The following TMEM60 variants were observed in gnomAD, a reference collection of about 807,000 sequenced individuals.
The protein encoded by TMEM60 is chromosome 7 open reading frame 35.
TMEM60 carries 4 observed loss-of-function variants against 10.7 expected under a neutral mutation model. That is an observed-to-expected ratio of 0.37 (90% confidence interval 0.18 to 0.86). The LOEUF (loss-of-function observed/expected upper bound fraction) is 0.86. Ranked by LOEUF, TMEM60 falls within the 40% of genes least tolerant of loss-of-function variation. The pLI is 0.43. For missense variants in TMEM60, 128 were observed against 153.4 expected (o/e 0.83, Z 0.88); for synonymous variants, 56 against 58.1 (o/e 0.96, Z 0.17).
intron 1 of TMEM60, among the ~76,000 whole-genome samples, chr7:77,795,625 CAT>C (rs149092733): frequency 0.022 from 3,357 of 152,294 alleles, 50 homozygotes; most frequent in Middle Eastern, 0.071. Flanking sequence ...CTTATTTTCT[CAT>C]AAAAATTCTT....
chr7:77,797,159 C>G (rs1029838561), intron 1 of TMEM60, among the ~76,000 whole-genome samples: 1 of 152,088 alleles, frequency 6.6e-6, no homozygotes, highest in Admixed American at 6.5e-5. Flanking sequence ...GATTTCATCC[C>G]GTAAATTGCA....
chr7:77,797,037 C>G (rs1792185314), intron 1 of TMEM60, among the ~76,000 whole-genome samples: 1 of 152,136 alleles, frequency 6.6e-6, no homozygotes, highest in Non-Finnish European at 1.5e-5. Flanking sequence ...TCTAAGGAGG[C>G]ATTTTTCTGT....
At chr7:77,796,484 G>T (rs546816293) in intron 1 of TMEM60, among the ~76,000 whole-genome samples, 1 of 152,124 alleles carries the variant, frequency 6.6e-6, no homozygotes. Flanking sequence ...ATGCAGCTGG[G>T]TAAGGAGTTA....
chr7:77,798,064 G>A (rs1792228197), intron 1 of TMEM60, among the ~76,000 whole-genome samples, 190 bp downstream of exon 1: 1 of 152,214 alleles, frequency 6.6e-6, no homozygotes, highest in Non-Finnish European at 1.5e-5. Context: ...TTCATGGGCT[G>A]TAAGCCCAGC....
chr7:77,796,789 A>G (rs1792174166), intron 1 of TMEM60, among the ~76,000 whole-genome samples: 1 of 152,238 alleles, frequency 6.6e-6, no homozygotes, highest in Non-Finnish European at 1.5e-5. Flanking sequence ...TGGCTAATTG[A>G]GCCAAATACC....
At chr7:77,796,280 T>C (rs1185071572) in intron 1 of TMEM60, among the ~76,000 whole-genome samples, 2 of 152,228 alleles carry the variant, frequency 1.3e-5, no homozygotes, top group Non-Finnish European at 2.9e-5. Flanking sequence ...AGTTTTTCAA[T>C]GCTAAATTTG....
chr7:77,797,507 C>G (rs543048270), intron 1 of TMEM60, among the ~76,000 whole-genome samples: 1 of 152,276 alleles, frequency 6.6e-6, no homozygotes, highest in Admixed American at 6.5e-5. Flanking sequence ...CGATGACATA[C>G]GATCCCAGTT....
intron 1 of TMEM60, among the ~76,000 whole-genome samples, chr7:77,797,701 C>A (rs954873181): frequency 6.6e-6 from 1 of 152,186 alleles, no homozygotes; most frequent in African/African-American, 2.4e-5. Flanking sequence ...ATTTTTAAAA[C>A]CTTCGGAGTT....
chr7:77,796,236 C>T (rs551164186), intron 1 of TMEM60, among the ~76,000 whole-genome samples: 1 of 152,164 alleles, frequency 6.6e-6, no homozygotes, highest in African/African-American at 2.4e-5. Context: ...CCACGCCGGC[C>T]TCTTTTCTAG....
chr7:77,795,172 C>T (rs1214307492), intron 1 of TMEM60, among the ~76,000 whole-genome samples: 2 of 151,776 alleles, frequency 1.3e-5, no homozygotes, highest in Non-Finnish European at 2.9e-5. Context: ...TCAGTCAATC[C>T]ATCAATAAAA....
At chr7:77,795,105 C>T (rs1170037653) in intron 1 of TMEM60, among the ~76,000 whole-genome samples, 1 of 152,088 alleles carries the variant, frequency 6.6e-6, no homozygotes, top group East Asian at 1.9e-4. Flanking sequence ...AGTGAGTGCC[C>T]CGTGAGATCA....
intron 1 of TMEM60, among the ~76,000 whole-genome samples, chr7:77,797,779 C>T (rs1792216941): frequency 6.6e-6 from 1 of 152,216 alleles, no homozygotes; most frequent in Non-Finnish European, 1.5e-5. Context: ...CCCCATTTCC[C>T]TTCTCTCGCC....
intron 1 of TMEM60, among the ~76,000 whole-genome samples, chr7:77,795,693 T>C (rs898027153): frequency 6.6e-5 from 10 of 152,196 alleles, no homozygotes; most frequent in Non-Finnish European, 1.3e-4. Flanking sequence ...GTCTCACTGA[T>C]TGGTGGTGTA....
intron 1 of TMEM60, among the ~76,000 whole-genome samples, chr7:77,794,935 C>T (rs1041309061): frequency 6.6e-6 from 1 of 152,120 alleles, no homozygotes; most frequent in Admixed American, 6.5e-5. Flanking sequence ...GCAGGCATAT[C>T]ATTTGAGCCC....
chr7:77,796,896 A>T (rs144558141), intron 1 of TMEM60, among the ~76,000 whole-genome samples: 2 of 152,350 alleles, frequency 1.3e-5, no homozygotes, highest in South Asian at 2.1e-4. Context: ...ACAGTGCAAG[A>T]GGACACATCT....
At position 77,794,110 on chromosome 7, in the gene TMEM60, T is replaced by C; in HGVS notation, c.264A>G (p.Leu88=). Residue 88 remains leucine (L), a synonymous_variant, in exon 2 of 2, where the codon TTA becomes TTG. Transcript: ENST00000257663. The part of the protein sequence containing the change: ...AWYLIAMLLK[L]AFCLALCAKL... ...TAGCACAGAGTGCGAGGCAGAAGGC[T>C]AATTTAAGTAACATTGCAATGAGGT... The C allele has an allele frequency of 6.2e-7, 1 of 1,614,028 alleles. No homozygotes were observed. Among genetic ancestry groups the C allele is most frequent in the East Asian group, 2.2e-5 (1 of 44,872 alleles).
In TMEM60 at chr7:77,793,927, G is replaced by T. The variant is rs758659276; in HGVS notation, c.*45C>A. 2.2e-5 allele frequency: 33 copies of T among 1,495,454 alleles called. No individual in the cohort carries two copies. The highest frequency in any genetic ancestry group is 1.2e-5 in the Non-Finnish European group (13 of 1,124,596). The allele number at this position is 1,495,454 out of a possible 1,614,324, so 92.6% of individuals were successfully genotyped here. On this transcript the variant is annotated 3_prime_UTR_variant, in exon 2 of 2. Transcript: ENST00000257663. ...TTGACAGATTCAGAACACTTTAATG[G>T]TAACTTGTTGAACAGCAATAGAAAG...
intron 1 of TMEM60, among the ~76,000 whole-genome samples, chr7:77,795,545 G>A (rs1181999937): frequency 6.6e-6 from 1 of 151,960 alleles, no homozygotes; most frequent in African/African-American, 2.4e-5. Flanking sequence ...AGGTTGTTGG[G>A]CTATATAATA....
chr7:77,794,241 A>G lies in TMEM60; in HGVS notation c.133T>C (p.Phe45Leu), dbSNP rs1421026666. 8.1e-6 allele frequency: 13 copies of G among 1,613,954 alleles called. No homozygotes were observed. Among genetic ancestry groups the G allele is most frequent in the Non-Finnish European group, 1.1e-5 (13 of 1,180,018 alleles). Residue 45 changes from phenylalanine to leucine, a missense_variant, in exon 2 of 2, where the codon TTT (phenylalanine) becomes CTT (leucine). By Grantham distance (22) the Phe-to-Leu change is conservative. Transcript: ENST00000257663. Reference protein sequence around the residue: ...WFLIFIPVWIFDTILLVLLIV... With the variant: ...WFLIFIPVWILDTILLVLLIV... ...AGCAGGACAAGAAGGATAGTATCAA[A>G]TATCCAGACTGGAATGAATATGAGG...
Sources: gnomAD v4.1 joint callset for allele counts (sites outside exome capture counted in the v4.1 genomes callset) on GRCh38, gnomAD v4.1.1 for gene constraint, MANE v1.5 for transcripts, NCBI Gene and HGNC (gene_info 2026-07-23, HGNC 2026-07-21) for gene names.